Variants in CREBBP observed in about 807,000 individuals in gnomAD.
CREBBP encodes CREB-binding protein.
In CREBBP, 19 loss-of-function variants were observed where a neutral mutation model predicts 265.0. The observed-to-expected ratio is 0.07, with a 90% CI of 0.05 to 0.11. CREBBP has a LOEUF of 0.11. Among genes scored for constraint, CREBBP ranks in the 10% least tolerant of loss-of-function variants. The pLI is 1.00. For synonymous variants in CREBBP, 1,457 were observed against 1,223.7 expected, an observed-to-expected ratio of 1.19 and a Z score of -3.98; for missense variants, 2,525 against 3,219.0, an observed-to-expected ratio of 0.78 and a Z score of 5.22.
intron 3 of CREBBP, among the ~76,000 whole-genome samples, chr16:3,807,315 C>T (rs1277844591): frequency 6.6e-6 from 1 of 152,172 alleles, no homozygotes; most frequent in Non-Finnish European, 1.5e-5. Flanking sequence ...CAGAGGGCAC[C>T]AGGTGATTTG....
intron 3 of CREBBP, among the ~76,000 whole-genome samples, chr16:3,808,800 C>T (rs992720187): frequency 6.6e-6 from 1 of 152,182 alleles, no homozygotes; most frequent in African/African-American, 2.4e-5. Context: ...ACTATGAAGC[C>T]AAAATGTGCT....
chr16:3,730,018 G>A (rs1230317686), intron 30 of CREBBP, 144 bp from the exon 31 acceptor site: 29 of 1,363,924 alleles, frequency 2.1e-5, no homozygotes, highest in Middle Eastern at 4.8e-4. Flanking sequence ...ATGCGAGCAC[G>A]GACAGGTGGG....
At chr16:3,758,118 CTT>C in intron 17 of CREBBP, 70 bp from the exon 18 acceptor site, 1 of 1,519,070 alleles carries the variant, frequency 6.6e-7, no homozygotes, top group East Asian at 2.3e-5. Flanking sequence ...CATCTGGCAG[CTT>C]TGTTTTAAAA....
chr16:3,872,408 C>T (rs1035069557), intron 1 of CREBBP, among the ~76,000 whole-genome samples: 1 of 152,142 alleles, frequency 6.6e-6, no homozygotes, highest in South Asian at 2.1e-4. Context: ...TATTGTAGCA[C>T]CCCTGTCAGC....
chr16:3,788,541 G>C (rs2141270350), intron 5 of CREBBP, among the ~76,000 whole-genome samples: 1 of 152,306 alleles, frequency 6.6e-6, no homozygotes, highest in East Asian at 1.9e-4. Flanking sequence ...TGCCAGGACT[G>C]ACATAAGATA....
intron 2 of CREBBP, among the ~76,000 whole-genome samples, chr16:3,849,656 T>A (rs1359664814): frequency 6.7e-6 from 1 of 149,464 alleles, no homozygotes; most frequent in African/African-American, 2.5e-5. Context: ...CAGGCGTGAG[T>A]CACTGTGTCC....
At chr16:3,851,126 A>C (rs1362075403) in intron 1 of CREBBP, 117 bp from the exon 2 acceptor site, 2 of 847,876 alleles carry the variant, frequency 2.4e-6, no homozygotes, top group African/African-American at 1.7e-5. Flanking sequence ...AGCATGTCTT[A>C]AGAGTCATGT....
intron 26 of CREBBP, 68 bp downstream of exon 26, chr16:3,738,491 C>A: frequency 1.1e-6 from 1 of 947,924 alleles, no homozygotes; most frequent in East Asian, 2.5e-5. Flanking sequence ...CCCATTATTT[C>A]ACGGAATAAA....
At chr16:3,791,567 A>T (rs1452160380) in intron 5 of CREBBP, among the ~76,000 whole-genome samples, 1 of 152,320 alleles carries the variant, frequency 6.6e-6, no homozygotes, top group Non-Finnish European at 1.5e-5. Context: ...GGGCTTTCCA[A>T]TTCCAAAAGA....
At position 3,782,113 on chromosome 16, in the gene CREBBP, A is replaced by T. The variant is rs75291463; in HGVS notation, c.1573+571T>A. On this transcript the variant is annotated intron_variant, in intron 6 of 30. Coordinates refer to ENST00000262367, the MANE Select transcript of CREBBP (RefSeq NM_004380.3). ...CCACTTAAAGAAAAATATTAAGGAA[A>T]CCATATGCAGAAATGGCAAAATCAT... Among the ~76,000 whole-genome samples the T allele has an allele frequency of 8.2e-3, 1,250 of 152,332 alleles. 12 individuals carry two copies. The highest frequency in any genetic ancestry group is 0.02 in the Middle Eastern group (6 of 294).
At chr16:3,790,323 T>C (rs1323006480) in intron 5 of CREBBP, among the ~76,000 whole-genome samples, 2 of 152,022 alleles carry the variant, frequency 1.3e-5, no homozygotes, top group African/African-American at 2.4e-5. Context: ...AATTCAAATT[T>C]TAGTCAATCA....
chr16:3,794,407 T>G (rs144532806), intron 3 of CREBBP, among the ~76,000 whole-genome samples: 5 of 146,846 alleles, frequency 3.4e-5, no homozygotes, highest in African/African-American at 1.2e-4. Context: ...CTACAAACAT[T>G]TGATGTAGCA....
At position 3,758,987 on chromosome 16, in the gene CREBBP, T is replaced by A. The variant is rs2052647887; in HGVS notation, c.3251-15A>T. On this transcript the variant is annotated splice_polypyrimidine_tract_variant and intron_variant, in intron 16 of 30. Coordinates refer to ENST00000262367, the MANE Select transcript of CREBBP (RefSeq NM_004380.3). ...TGGTTTAAAGACTGCAGAGAAAACA[T>A]CAAGAAAAGACACTTTGTAAAAGGT... 1.3e-6 allele frequency: 2 copies of A among 1,577,300 alleles called. No individual in the cohort carries two copies. Among genetic ancestry groups the A allele is most frequent in the African/African-American group, 1.3e-5 (1 of 74,118 alleles).
At position 3,727,855 on chromosome 16, in the gene CREBBP, C is replaced by T. The variant is rs1384538394; in HGVS notation, c.7192G>A (p.Gly2398Arg). Residue 2398 changes from glycine (G) to arginine (R), a missense_variant, in exon 31 of 31, where the codon GGA becomes AGA. Transcript: ENST00000262367. ...AVTMASSIDQ[G>R]HLGNPEQSAM... ...CTCTGTTCGGGGTTCCCCAAGTGTC[C>T]CTGATCTATGGAGCTGGCCATGGTG... 2 of 1,613,950 alleles carry T rather than the reference C, an allele frequency of 1.2e-6. No individual in the cohort carries two copies. The highest frequency in any genetic ancestry group is 1.7e-5 in the Admixed American group (1 of 59,988).
At chr16:3,849,435 GT>G (rs1433224669) in intron 2 of CREBBP, among the ~76,000 whole-genome samples, 643 of 15,576 alleles carry the variant, frequency 0.041, 5 homozygotes, top group East Asian at 0.1. Flanking sequence ...GTGTGTGTGT[GT>G]GTGTGTGTGT....
At chr16:3,746,023 C>A (rs189186502) in intron 21 of CREBBP, among the ~76,000 whole-genome samples, 1 of 152,188 alleles carries the variant, frequency 6.6e-6, no homozygotes, top group Non-Finnish European at 1.5e-5. Context: ...ACCAGGGCTC[C>A]GTCACCTCCA....
Position 3,734,905 on chromosome 16 carries a change from G to A in CREBBP, c.4728+1131C>T, listed in dbSNP as rs113269816. The stretch of plus-strand genomic sequence containing the variant: ...GGCAGTATGTCCCCAGCCGGCTCCC[G>A]GCTGCCTCACCCATGGCAGCAGCCC... On this transcript the variant is annotated intron_variant, in intron 28 of 30. Coordinates refer to ENST00000262367, the MANE Select transcript of CREBBP (RefSeq NM_004380.3). 7.1e-3 allele frequency among the ~76,000 whole-genome samples: 1,076 copies of A among 152,156 alleles called. 11 individuals are homozygous for A. Among genetic ancestry groups the A allele is most frequent in the African/African-American group, 0.022 (929 of 41,504 alleles).
rs761012080 is a variant in CREBBP at position 3,736,828 on chromosome 16, C to G, written c.4395-13G>C. 1 of 1,614,112 alleles carries G rather than the reference C, an allele frequency of 6.2e-7. No individual in the cohort carries two copies. Among genetic ancestry groups the G allele is most frequent in the Non-Finnish European group, 8.5e-7 (1 of 1,180,042 alleles). ...CCCTGTCACATACCTGCAGGACCCA[C>G]GCACACACGTCAGATGAACGTGCCA... is the stretch of plus-strand genomic sequence containing the variant. On this transcript the variant is annotated splice_polypyrimidine_tract_variant and intron_variant, in intron 26 of 30. Transcript: ENST00000262367.
chr16:3,834,924 C>T (rs2054413295), intron 2 of CREBBP, among the ~76,000 whole-genome samples: 2 of 152,078 alleles, frequency 1.3e-5, no homozygotes, highest in African/African-American at 2.4e-5. Context: ...TTTGGGAGGC[C>T]GAGGCGGGCG....
Sources: gnomAD v4.1 joint callset for allele counts (sites outside exome capture counted in the v4.1 genomes callset) on GRCh38, gnomAD v4.1.1 for gene constraint, MANE v1.5 for transcripts, NCBI Gene and HGNC (gene_info 2026-07-23, HGNC 2026-07-21) for gene names.